MYO7B: variants seen among roughly 807,000 people sequenced by gnomAD.
MYO7B encodes unconventional myosin-VIIb.
In MYO7B, 212 loss-of-function variants were observed where a neutral mutation model predicts 259.7. That is an observed-to-expected ratio of 0.82 (90% confidence interval 0.73 to 0.91). The LOEUF (loss-of-function observed/expected upper bound fraction) is 0.91, where lower values mean the gene tolerates loss of function less well. MYO7B is among the 40% of genes least tolerant of loss of function. MYO7B has a pLI of 0.00. For synonymous variants in MYO7B, 1,197 were observed against 1,166.4 expected (o/e 1.03, Z -0.54); for missense variants, 2,732 against 2,813.5 (o/e 0.97, Z 0.66).
chr2:127,604,690 C>T (rs1680097873), intron 19 of MYO7B, among the ~76,000 whole-genome samples: 1 of 152,056 alleles, frequency 6.6e-6, no homozygotes, highest in Admixed American at 6.5e-5. Flanking sequence ...ACTTAGAGGC[C>T]ATTATAGAGT....
rs556651314 is a variant in MYO7B at position 127,635,123 on chromosome 2, C to T, written c.5717C>T (p.Ala1906Val). ...VKKNKPQKEG[A>V]PVTLPYQVYF... ...CCCACTGCTGGCCCTCGCCCAGGGGCCCCCGTGACGCTCCCCTACCAGGTG... is the reference window on the plus strand; with the variant it reads ...CCCACTGCTGGCCCTCGCCCAGGGGTCCCCGTGACGCTCCCCTACCAGGTG... The change falls in exon 43 of 48, where the codon GCC becomes GTC. Residue 1906 changes from alanine (A) to valine (V), a missense_variant. Coordinates refer to ENST00000409816, the MANE Select transcript of MYO7B (RefSeq NM_001393586.1). 3.5e-5 allele frequency: 56 copies of T among 1,611,206 alleles called. No individual in the cohort carries two copies. The East Asian group carries it at 9.4e-4, about 27-fold the overall frequency.
chr2:127,620,580 CTCCT>C, intron 27 of MYO7B, 114 bp downstream of exon 27: 4 of 1,264,902 alleles, frequency 3.2e-6, no homozygotes, highest in Non-Finnish European at 4.2e-6. Context: ...ATTTCTCCTG[CTCCT>C]GCAGGCCAGA....
At position 127,613,295 on chromosome 2, in the gene MYO7B, G is replaced by T. The variant is rs374741793; in HGVS notation, c.3398+692G>T. Among the ~76,000 whole-genome samples, 1 of 152,038 alleles carries T rather than the reference G, an allele frequency of 6.6e-6. No individual in the cohort carries two copies. The highest frequency in any genetic ancestry group is 2.4e-5 in the African/African-American group (1 of 41,382). ...TTTTTTCTCTGTGTTCTTTAGATTG[G>T]ATAGTTTCTATTGACCTGTCTTCAA... On this transcript the variant is annotated intron_variant, in intron 26 of 47. Coordinates refer to ENST00000409816, the MANE Select transcript of MYO7B (RefSeq NM_001393586.1). The surrounding 1 kb of genome is among the most constrained non-coding windows in gnomAD (Gnocchi z 4.3).
At chr2:127,617,262 C>T (rs560378640) in intron 26 of MYO7B, among the ~76,000 whole-genome samples, 4 of 152,288 alleles carry the variant, frequency 2.6e-5, no homozygotes, top group East Asian at 1.9e-4. Context: ...CTTCCTCTCC[C>T]GTTCACCACT....
Position 127,607,302 on chromosome 2 carries a change from G to GC in MYO7B, c.2524dup (p.Leu842ProfsTer70). ...GCGGCAGAGGACAGTCCAGCTGCAGGCCCTGTGCAGGGGATACCTGGTGCG... is the reference window on the plus strand; with the variant it reads ...GCGGCAGAGGACAGTCCAGCTGCAGGCCCCTGTGCAGGGGATACCTGGTGCG... On this transcript the variant is annotated frameshift_variant, in exon 21 of 48. Coordinates refer to ENST00000409816, the MANE Select transcript of MYO7B (RefSeq NM_001393586.1). LOFTEE classifies it high-confidence loss of function. The surrounding 1 kb of genome is among the most constrained non-coding windows in gnomAD (Gnocchi z 4.4). 1 of 1,551,318 alleles carries GC rather than the reference G, an allele frequency of 6.4e-7. No homozygotes were observed.
At chr2:127,578,073 C>G (rs996933169) in intron 8 of MYO7B, 60 bp from the exon 9 acceptor site, 27 of 1,598,170 alleles carry the variant, frequency 1.7e-5, no homozygotes, top group Non-Finnish European at 2.3e-5. Context: ...CTTGCTGGTC[C>G]CAGGAGGGAG....
chr2:127,609,406 G>A lies in MYO7B; in HGVS notation c.2815-100G>A. On this transcript the variant is annotated intron_variant, in intron 22 of 47. Transcript: ENST00000409816. This position sits in a 1 kb window ranked among gnomAD's most constrained non-coding sequence, Gnocchi z 6.9. ...CCAGCACCTGAGGGATCAGGGTAAT[G>A]CAACAGCCCCCGTGCTGCCCGGCCT... is the stretch of plus-strand genomic sequence containing the variant. 1 of 1,094,344 alleles carries A rather than the reference G, an allele frequency of 9.1e-7. No individual in the cohort carries two copies. Among genetic ancestry groups the A allele is most frequent in the Non-Finnish European group, 1.3e-6 (1 of 745,710 alleles). 67.8% of individuals were successfully genotyped at this position (1,094,344 alleles called of 1,614,324 possible).
intron 41 of MYO7B, 45 bp from the exon 42 acceptor site, chr2:127,634,551 G>A (rs1207604567): frequency 3.9e-6 from 6 of 1,541,836 alleles, no homozygotes; most frequent in Non-Finnish European, 5.3e-6. Context: ...CAGGAGGACA[G>A]TCCCCGGAAG....
At chr2:127,619,478 T>G (rs1183822585) in intron 26 of MYO7B, among the ~76,000 whole-genome samples, 1 of 151,870 alleles carries the variant, frequency 6.6e-6, no homozygotes, top group African/African-American at 2.4e-5. Context: ...GATTTCCAGT[T>G]TGGGTGAATG....
At chr2:127,620,678 A>G (rs1015714638) in intron 27 of MYO7B, among the ~76,000 whole-genome samples, 3 of 152,206 alleles carry the variant, frequency 2.0e-5, no homozygotes, top group Non-Finnish European at 4.4e-5. Context: ...TCCAGCCCCT[A>G]CGCAGGGTCT....
At chr2:127,629,271 C>T (rs921786307) in intron 34 of MYO7B, among the ~76,000 whole-genome samples, 3 of 152,158 alleles carry the variant, frequency 2.0e-5, no homozygotes, top group Non-Finnish European at 2.9e-5. Context: ...TTGCCATCTC[C>T]AAATTCCAGA....
Position 127,588,314 on chromosome 2 carries a change from C to T in MYO7B, c.1691-78C>T, listed in dbSNP as rs113464982. ...GCTCCTCCACGCATCCTGTATTCCC[C>T]CACACTGCCCTCTTCTTCCCCATGG... On this transcript the variant is annotated intron_variant, in intron 14 of 47. Coordinates refer to ENST00000409816, the MANE Select transcript of MYO7B (RefSeq NM_001393586.1). 27 of 1,526,454 alleles carry T rather than the reference C, an allele frequency of 1.8e-5. No homozygotes were observed. In the African/African-American group the frequency reaches 2.9e-4, roughly 16 times the overall value. The allele number at this position is 1,526,454 out of a possible 1,614,324, so 94.6% of individuals were successfully genotyped here.
intron 27 of MYO7B, 22 bp downstream of exon 27, chr2:127,620,488 G>A: frequency 6.5e-7 from 1 of 1,534,072 alleles, no homozygotes; most frequent in Non-Finnish European, 8.8e-7. Context: ...CATGAAGGGA[G>A]GGCGGGCAGG....
Position 127,582,327 on chromosome 2 carries a change from G to A in MYO7B, c.1224G>A (p.Leu408=). 1.2e-6 allele frequency: 2 copies of A among 1,613,244 alleles called. No individual in the cohort carries two copies. Among genetic ancestry groups the A allele is most frequent in the Non-Finnish European group, 1.7e-6 (2 of 1,179,676 alleles). Residue 408 remains leucine (L), a synonymous_variant, in exon 12 of 48, where the codon CTG becomes CTA. Transcript: ENST00000409816. ...AGGGCATCTATGGGCACCTCTTCCT[G>A]TGGATTGTCAAGAAGATCAATGCCG... ...FVKGIYGHLF[L]WIVKKINAAI...
Position 127,565,371 on chromosome 2 carries a change from C to T in MYO7B, c.271C>T (p.Gln91Ter), listed in dbSNP as rs919517000. The stretch of plus-strand genomic sequence containing the variant: ...GCACAACCTCCTGATCCGCTACCAG[C>T]AGCACAAGATCTATGTGAGTCTCCC... Reference protein sequence around the residue: ...MVHNLLIRYQQHKIYTYTGSI... With the variant: ...MVHNLLIRYQ The change falls in exon 4 of 48, where the codon CAG becomes TAG. Residue 91 changes from glutamine to a stop codon, truncating the protein, a stop_gained. Transcript: ENST00000409816. LOFTEE classifies it high-confidence loss of function. 2 of 1,613,918 alleles carry T rather than the reference C, an allele frequency of 1.2e-6. No homozygotes were observed. Among genetic ancestry groups the T allele is most frequent in the African/African-American group, 2.7e-5 (2 of 74,942 alleles).
chr2:127,624,003 G>C, intron 29 of MYO7B, 90 bp from the exon 30 acceptor site: 1 of 1,268,374 alleles, frequency 7.9e-7, no homozygotes, highest in Non-Finnish European at 1.1e-6. Flanking sequence ...CCCAGGCCCT[G>C]TCTTCTACGT....
At position 127,627,440 on chromosome 2, in the gene MYO7B, C is replaced by A; in HGVS notation, c.4460+130C>A. On this transcript the variant is annotated intron_variant, in intron 33 of 47. Transcript: ENST00000409816. The surrounding 1 kb of genome is among the most constrained non-coding windows in gnomAD (Gnocchi z 5.6). Reference sequence around the variant, plus strand: ...CAGGCCGGGGTGGAGGGACAAGAATCTACGTATGCGATGGCTTCTGTACTT... The same window carrying A: ...CAGGCCGGGGTGGAGGGACAAGAATATACGTATGCGATGGCTTCTGTACTT... 1 of 1,272,398 alleles carries A rather than the reference C, an allele frequency of 7.9e-7. No homozygotes were observed. The allele number at this position is 1,272,398 out of a possible 1,614,324, so 78.8% of individuals were successfully genotyped here.
At position 127,628,649 on chromosome 2, in the gene MYO7B, G is replaced by C. The variant is rs899832142; in HGVS notation, c.4624+114G>C. On this transcript the variant is annotated intron_variant, in intron 34 of 47. Coordinates refer to ENST00000409816, the MANE Select transcript of MYO7B (RefSeq NM_001393586.1). The surrounding 1 kb of genome is among the most constrained non-coding windows in gnomAD (Gnocchi z 4.8). ...ACACAGCAGCCACAAGGCAAGCAGA[G>C]GGAGGGAAGGCCCCAAAGCTCTGTG... The C allele has an allele frequency of 8.5e-7, 1 of 1,174,164 alleles. No individual in the cohort carries two copies. The highest frequency in any genetic ancestry group is 2.2e-5 in the Admixed American group (1 of 44,710). The allele number at this position is 1,174,164 out of a possible 1,614,324, so 72.7% of individuals were successfully genotyped here. A position where few individuals can be genotyped will look rare whatever the true frequency, so the allele number is the denominator to read the frequency against.
chr2:127,564,257 C>T lies in MYO7B; in HGVS notation c.123C>T (p.Asp41=), dbSNP rs1307440226. ...CAGGCAAAGTCTTGGTTGAAGATGA[C>T]GAGGGCAAGGTCAGTGTTCTGGGGT... The part of the protein sequence containing the change: ...AKPGKVLVED[D]EGKEHWIRAE... The change falls in exon 3 of 48, where the codon GAC becomes GAT. Residue 41 remains aspartate (D), a synonymous_variant. Transcript: ENST00000409816. 50 of 1,570,174 alleles carry T rather than the reference C, an allele frequency of 3.2e-5. No individual in the cohort carries two copies. The highest frequency in any genetic ancestry group is 4.7e-5 in the South Asian group (4 of 85,296).
Sources: allele counts gnomAD v4.1 joint callset (sites outside exome capture counted in the v4.1 genomes callset), GRCh38; gene constraint gnomAD v4.1.1; non-coding constraint Gnocchi (gnomAD v3.1); transcripts MANE v1.5; gene names NCBI Gene and HGNC (gene_info 2026-07-23, HGNC 2026-07-21).